The following IPO5 variants were observed in gnomAD, a reference collection of about 807,000 sequenced individuals.
IPO5 encodes importin 5.
A neutral mutation model predicts 143.3 loss-of-function variants in IPO5; 18 were observed. The observed-to-expected ratio is 0.13, with a 90% CI of 0.09 to 0.19. The LOEUF is 0.19. IPO5 is among the 10% of genes least tolerant of loss of function. The pLI is 1.00. For synonymous variants in IPO5, 477 were observed against 465.7 expected (o/e 1.02, Z -0.31); for missense variants, 1,013 against 1,336.9 (o/e 0.76, Z 3.78).
chr13:98,011,864 C>T (rs1316432457), intron 20 of IPO5, among the ~76,000 whole-genome samples: 1 of 152,126 alleles, frequency 6.6e-6, no homozygotes, highest in East Asian at 1.9e-4. Flanking sequence ...AAAGTAAATG[C>T]TTCAATTAAC....
intron 3 of IPO5, chr13:97,975,545 G>C (rs1594040390): frequency 6.6e-6 from 1 of 152,320 alleles, no homozygotes; most frequent in East Asian, 1.9e-4. Flanking sequence ...AGTACCCTCT[G>C]ATTTGTACAC....
At chr13:98,008,555 CT>C (rs1466495529) in intron 18 of IPO5, among the ~76,000 whole-genome samples, 1 of 152,210 alleles carries the variant, frequency 6.6e-6, no homozygotes, top group African/African-American at 2.4e-5. Flanking sequence ...TCTCCCTCCC[CT>C]GGCAGAAAAT....
chr13:97,982,442 A>C, intron 4 of IPO5, 61 bp from the exon 5 acceptor site: 1 of 1,098,496 alleles, frequency 9.1e-7, no homozygotes, highest in Non-Finnish European at 1.4e-6. Context: ...TATTTCTTTC[A>C]CTGGTTTACT....
chr13:97,966,762 G>T (rs1452282778), intron 2 of IPO5, among the ~76,000 whole-genome samples: 2 of 152,140 alleles, frequency 1.3e-5, no homozygotes, highest in African/African-American at 4.8e-5. Context: ...AATTCAGCTG[G>T]GCGCAGTGGC....
chr13:97,988,100 C>G (rs966267874), intron 6 of IPO5: 1 of 205,694 alleles, frequency 4.9e-6, no homozygotes, highest in African/African-American at 2.3e-5. Context: ...TGTAATTCAT[C>G]TGTAAGTTGT....
intron 2 of IPO5, among the ~76,000 whole-genome samples, chr13:97,961,060 A>G (rs942308599): frequency 1.3e-5 from 2 of 152,096 alleles, no homozygotes; most frequent in Non-Finnish European, 2.9e-5. Context: ...GACATTTCCC[A>G]TAAGTGGGAC....
intron 4 of IPO5, among the ~76,000 whole-genome samples, chr13:97,979,285 C>T (rs1886646182): frequency 6.6e-6 from 1 of 152,108 alleles, no homozygotes. Context: ...AAACTGTTGA[C>T]TAAGGTGACT....
At chr13:97,957,518 C>T (rs1884546226) in intron 2 of IPO5, among the ~76,000 whole-genome samples, 1 of 152,062 alleles carries the variant, frequency 6.6e-6, no homozygotes, top group East Asian at 1.9e-4. Context: ...TTTAAATGAT[C>T]ATTCCATATT....
chr13:97,959,928 C>A (rs1199725057), intron 2 of IPO5, among the ~76,000 whole-genome samples: 1 of 152,156 alleles, frequency 6.6e-6, no homozygotes, highest in Non-Finnish European at 1.5e-5. Context: ...CCGTGGAATC[C>A]CCACAGCCTA....
At chr13:97,973,609 A>G (rs557823458) in intron 3 of IPO5, among the ~76,000 whole-genome samples, 2 of 152,314 alleles carry the variant, frequency 1.3e-5, no homozygotes, top group African/African-American at 4.8e-5. Flanking sequence ...CTCTTCATTC[A>G]TTAACCTTAA....
At chr13:97,967,148 T>C (rs2139529803) in intron 2 of IPO5, among the ~76,000 whole-genome samples, 1 of 152,386 alleles carries the variant, frequency 6.6e-6, no homozygotes, top group South Asian at 2.1e-4. Flanking sequence ...TTTCTAGAAA[T>C]GTGTCCATTT....
intron 2 of IPO5, among the ~76,000 whole-genome samples, chr13:97,960,561 G>GTT (rs67034804): frequency 7.8e-5 from 11 of 141,662 alleles, no homozygotes; most frequent in Admixed American, 1.4e-4. Context: ...TATTTATTTG[G>GTT]TTTTTTTTTT....
chr13:97,992,568 A>G (rs944171896), intron 9 of IPO5, among the ~76,000 whole-genome samples: 15 of 152,192 alleles, frequency 9.9e-5, no homozygotes, highest in Non-Finnish European at 1.9e-4. Flanking sequence ...CTGAAAAAAT[A>G]AAAGGACAAA....
rs2139690740 is a variant in IPO5, at chr13:97,990,501, C to G, written c.633C>G (p.Phe211Leu). ...CAAATGAGCATAATGTTGCTCTGTT[C>G]AAACATTTTGCAGACTTGCTACCGG... ...ILANEHNVAL[F>L]KHFADLLPGF... Residue 211 changes from phenylalanine to leucine, a missense_variant, in exon 9 of 29, where the codon TTC becomes TTG. Transcript: ENST00000651721. 1.9e-6 allele frequency: 3 copies of G among 1,603,048 alleles called. No individual in the cohort carries two copies. The highest frequency in any genetic ancestry group is 3.5e-5 in the Admixed American group (2 of 56,778).
intron 11 of IPO5, 108 bp downstream of exon 11, chr13:97,993,333 C>A: frequency 1.1e-6 from 1 of 901,052 alleles, no homozygotes; most frequent in South Asian, 1.6e-5. Flanking sequence ...AATGAATATC[C>A]TTTTAGAATC....
intron 2 of IPO5, among the ~76,000 whole-genome samples, chr13:97,963,830 C>T (rs759777049): frequency 5.3e-5 from 8 of 152,098 alleles, no homozygotes; most frequent in African/African-American, 9.7e-5. Context: ...AAAAGCATTC[C>T]TATTTCTCCA....
At chr13:97,959,362 G>A (rs910535359) in intron 2 of IPO5, among the ~76,000 whole-genome samples, 24 of 151,726 alleles carry the variant, frequency 1.6e-4, no homozygotes, top group African/African-American at 5.1e-4. Flanking sequence ...TCTGTCCTTC[G>A]TATTGTCACC....
Position 98,018,498 on chromosome 13 carries a change from C to T in IPO5, c.2630C>T (p.Pro877Leu), listed in dbSNP as rs1034844148. 40 of 1,613,158 alleles carry T rather than the reference C, an allele frequency of 2.5e-5. No homozygotes were observed. The highest frequency in any genetic ancestry group is 3.2e-5 in the Non-Finnish European group (38 of 1,179,356). Residue 877 changes from proline to leucine, a missense_variant, in exon 26 of 29, where the codon CCA becomes CTA. By Grantham distance (98) the Pro-to-Leu change is moderately conservative. Around this residue, in one of 2 missense-constraint regions of IPO5, gnomAD observed 685 missense variants for 994.9 expected, o/e 0.69. Coordinates refer to ENST00000651721, the MANE Select transcript of IPO5 (RefSeq NM_002271.6). ...TTTCTTTTGTAGTGTCCACATAGAC[C>T]ATGGCCAGACAGACAATGGGGATTA... ...LIVNLICPHR[P>L]WPDRQWGLCI...
intron 11 of IPO5, 108 bp downstream of exon 11, chr13:97,993,333 C>T (rs946842737): frequency 3.3e-6 from 3 of 900,940 alleles, no homozygotes; most frequent in Non-Finnish European, 3.4e-6. Flanking sequence ...AATGAATATC[C>T]TTTTAGAATC....
Sources: gnomAD v4.1 joint callset for allele counts (sites outside exome capture counted in the v4.1 genomes callset) on GRCh38, gnomAD v4.1.1 for gene constraint, gnomAD v4.1.1 regional missense constraint, MANE v1.5 for transcripts, NCBI Gene and HGNC (gene_info 2026-07-23, HGNC 2026-07-21) for gene names.